Variants in CDC25C observed in about 807,000 individuals in gnomAD.
CDC25C encodes M-phase inducer phosphatase 3.
CDC25C carries 48 observed loss-of-function variants against 52.5 expected under a neutral mutation model. The observed-to-expected ratio is 0.91, with a 90% CI of 0.72 to 1.16. The LOEUF is 1.16. Ranked by LOEUF, CDC25C falls within the 50% of genes most tolerant of loss-of-function variation. The pLI is 0.00. For synonymous variants in CDC25C, 187 were observed against 206.5 expected, an observed-to-expected ratio of 0.91 and a Z score of 0.81; for missense variants, 510 against 566.1, an observed-to-expected ratio of 0.90 and a Z score of 1.01.
upstream of CDC25C, among the ~76,000 whole-genome samples, chr5:138,335,768 G>T (rs1429553520): frequency 6.9e-6 from 1 of 145,484 alleles, no homozygotes; most frequent in African/African-American, 2.5e-5. Flanking sequence ...GACTTGCAGG[G>T]TTTTTTTTTT....
intron 7 of CDC25C, among the ~76,000 whole-genome samples, chr5:138,315,773 G>T (rs948914808): frequency 4.6e-5 from 7 of 152,204 alleles, no homozygotes; most frequent in Non-Finnish European, 7.3e-5. Flanking sequence ...GGCTGGATAC[G>T]GTGGCTCACA....
chr5:138,319,482 C>A (rs1759176880), intron 6 of CDC25C, 108 bp from the exon 7 acceptor site: 10 of 798,062 alleles, frequency 1.3e-5, no homozygotes, highest in Non-Finnish European at 1.8e-5. Context: ...GGAAAAAATT[C>A]ATGACACTGG....
intron 6 of CDC25C, among the ~76,000 whole-genome samples, chr5:138,322,167 A>G (rs963451392): frequency 6.6e-6 from 1 of 151,384 alleles, no homozygotes; most frequent in East Asian, 2.0e-4. Context: ...ACGACTGGCT[A>G]ATTTTTTGTA....
intron 6 of CDC25C, among the ~76,000 whole-genome samples, chr5:138,322,938 T>G (rs1759556166): frequency 6.6e-6 from 1 of 150,982 alleles, no homozygotes; most frequent in South Asian, 2.1e-4. Flanking sequence ...ATTATTTTTA[T>G]TTTTATTTTT....
chr5:138,329,169 C>T (rs62380925), intron 3 of CDC25C, among the ~76,000 whole-genome samples: 1 of 152,194 alleles, frequency 6.6e-6, no homozygotes, highest in Non-Finnish European at 1.5e-5. Flanking sequence ...TCCCAAAGTG[C>T]TGGGATTACA....
intron 7 of CDC25C, among the ~76,000 whole-genome samples, chr5:138,305,568 A>C (rs1372420348): frequency 6.6e-6 from 1 of 152,072 alleles, no homozygotes; most frequent in Non-Finnish European, 1.5e-5. Flanking sequence ...TGCCTGGCTA[A>C]TTTTTATTTT....
chr5:138,311,603 A>G (rs1333711107), intron 7 of CDC25C, among the ~76,000 whole-genome samples: 1 of 152,060 alleles, frequency 6.6e-6, no homozygotes, highest in African/African-American at 2.4e-5. Context: ...ATTTTCTTTT[A>G]AAAAGGGGAG....
intron 7 of CDC25C, among the ~76,000 whole-genome samples, chr5:138,292,480 C>CAAAAAAAAAAAAAA (rs70982703): frequency 3.1e-5 from 2 of 63,506 alleles, no homozygotes; most frequent in African/African-American, 6.8e-5. Context: ...GTTATGTGAC[C>CAAAAAAAAAAAAAA]AAAAAAAAAA....
chr5:138,324,963 G>A (rs965319801), intron 6 of CDC25C, among the ~76,000 whole-genome samples: 31 of 152,044 alleles, frequency 2.0e-4, no homozygotes, highest in Middle Eastern at 3.4e-3. Context: ...TCAGCTATTT[G>A]GCAGGCTGAG....
chr5:138,287,889 T>C (rs1018880030), intron 10 of CDC25C, among the ~76,000 whole-genome samples: 17 of 152,222 alleles, frequency 1.1e-4, no homozygotes, highest in African/African-American at 3.9e-4. Context: ...TTGTTTTATA[T>C]TATCAATATA....
chr5:138,286,412 C>T, intron 12 of CDC25C, 85 bp downstream of exon 12: 1 of 1,362,400 alleles, frequency 7.3e-7, no homozygotes, highest in Non-Finnish European at 1.0e-6. Context: ...ACTGTAGAAT[C>T]CAGTCAGTCT....
rs565771354 is a variant in CDC25C, at chr5:138,285,357, G to A, written c.*335C>T. ...AATACAAAGAAAGAAGGTAGACAAC[G>A]CTCTTGCATAGCCCGAAGCCCAGAG... is the stretch of plus-strand genomic sequence containing the variant. On this transcript the variant is annotated 3_prime_UTR_variant, in exon 14 of 14. Coordinates refer to ENST00000323760, the MANE Select transcript of CDC25C (RefSeq NM_001790.5). 60 of 226,692 alleles carry A rather than the reference G, an allele frequency of 2.6e-4. No homozygotes were observed. The South Asian group carries it at 6.4e-3, about 24-fold the overall frequency. 14.0% of individuals were successfully genotyped at this position (226,692 alleles called of 1,614,324 possible). A position where few individuals can be genotyped will look rare whatever the true frequency, so the allele number is the denominator to read the frequency against.
Position 138,331,023 on chromosome 5 carries a change from A to C in CDC25C, c.158T>G (p.Phe53Cys). The change falls in exon 2 of 14, where the codon TTT (phenylalanine) becomes TGT (cysteine). Residue 53 changes from phenylalanine (F) to cysteine (C), a missense_variant. By Grantham distance (205) the Phe-to-Cys change is radical (BLOSUM62 -2). Coordinates refer to ENST00000323760, the MANE Select transcript of CDC25C (RefSeq NM_001790.5). ...PDVPRTPVGK[F>C]LGDSANLSIL... ...GCTTAGGTTTGCAGAATCACCAAGA[A>C]ATTTGCCCACTGGAGTTCTAGGGAC... 1 of 1,614,044 alleles carries C rather than the reference A, an allele frequency of 6.2e-7. No homozygotes were observed. The highest frequency in any genetic ancestry group is 8.5e-7 in the Non-Finnish European group (1 of 1,179,892).
chr5:138,336,376 G>A (rs1045138134), upstream of CDC25C, among the ~76,000 whole-genome samples: 19 of 151,954 alleles, frequency 1.3e-4, no homozygotes, highest in Admixed American at 4.6e-4. Context: ...CAGGTGATCC[G>A]TCTGCCTCAG....
At chr5:138,291,585 A>T (rs1183161976) in intron 8 of CDC25C, among the ~76,000 whole-genome samples, 1 of 151,600 alleles carries the variant, frequency 6.6e-6, no homozygotes, top group African/African-American at 2.4e-5. Context: ...CGCCCAGCTG[A>T]TTTCTTGTAT....
At chr5:138,314,672 G>A (rs1313394531) in intron 7 of CDC25C, among the ~76,000 whole-genome samples, 4 of 145,216 alleles carry the variant, frequency 2.8e-5, no homozygotes, top group African/African-American at 1.0e-4. Flanking sequence ...GCAATGGAGC[G>A]ATCTTGGCTC....
At chr5:138,302,126 C>G (rs1342084107) in intron 7 of CDC25C, among the ~76,000 whole-genome samples, 1 of 151,828 alleles carries the variant, frequency 6.6e-6, no homozygotes, top group African/African-American at 2.4e-5. Context: ...TCTCGAGTAG[C>G]TGGTACTACA....
chr5:138,315,612 G>C (rs988722845), intron 7 of CDC25C, among the ~76,000 whole-genome samples: 2 of 152,190 alleles, frequency 1.3e-5, no homozygotes, highest in Admixed American at 1.3e-4. Context: ...GTGTGTATGT[G>C]ATGAGGACAT....
chr5:138,286,345 G>T, intron 12 of CDC25C, 152 bp downstream of exon 12: 3 of 950,210 alleles, frequency 3.2e-6, no homozygotes, highest in Non-Finnish European at 3.2e-6. Context: ...TTCCTTTATT[G>T]TTTCAAACTT....
Sources: gnomAD v4.1 joint callset for allele counts (sites outside exome capture counted in the v4.1 genomes callset) on GRCh38, gnomAD v4.1.1 for gene constraint, MANE v1.5 for transcripts, NCBI Gene and HGNC (gene_info 2026-07-23, HGNC 2026-07-21) for gene names.